Variants in TEAD1 observed in about 807,000 individuals in gnomAD.
TEAD1 encodes transcriptional enhancer factor TEF-1.
TEAD1 carries 9 observed loss-of-function variants against 54.9 expected under a neutral mutation model. The observed-to-expected ratio is 0.16, with a 90% confidence interval of 0.10 to 0.29. The LOEUF is 0.29. TEAD1 is among the 10% of genes least tolerant of loss of function. TEAD1 has a pLI of 1.00. For missense variants in TEAD1, 387 were observed against 535.9 expected (o/e 0.72, Z 2.74); for synonymous variants, 200 against 187.8 (o/e 1.07, Z -0.53).
rs1458249036 is a variant in TEAD1, at chr11:12,882,886, A to G, written c.575-115A>G. The G allele has an allele frequency of 6.0e-6, 9 of 1,501,992 alleles. No individual in the cohort carries two copies. The Admixed American group carries it at 1.6e-4, about 26-fold the overall frequency. The allele number at this position is 1,501,992 out of a possible 1,614,324, so 93.0% of individuals were successfully genotyped here. On this transcript the variant is annotated intron_variant, in intron 8 of 12. Coordinates refer to ENST00000527636, the MANE Select transcript of TEAD1 (RefSeq NM_021961.6). ...GAGTTATCCTGGCCAGAGCCGGTGG[A>G]GAGGGGGCTGTTGGCATTTCCTTCT...
chr11:12,786,238 T>C (rs1945674132), intron 3 of TEAD1, among the ~76,000 whole-genome samples: 2 of 152,228 alleles, frequency 1.3e-5, no homozygotes, highest in Admixed American at 6.5e-5. Flanking sequence ...TGGAGATGAA[T>C]GCTCTGCCTG....
intron 3 of TEAD1, among the ~76,000 whole-genome samples, chr11:12,786,848 C>T (rs1405245328): frequency 6.6e-6 from 1 of 152,158 alleles, no homozygotes; most frequent in Non-Finnish European, 1.5e-5. Context: ...AGGGAGGATT[C>T]AAACCTGAAG....
intron 3 of TEAD1, among the ~76,000 whole-genome samples, chr11:12,787,883 A>G (rs556299207): frequency 4.2e-4 from 64 of 152,224 alleles, no homozygotes; most frequent in African/African-American, 1.5e-3. Context: ...GAGAGCTATA[A>G]TTCTAATGAG....
intron 3 of TEAD1, among the ~76,000 whole-genome samples, chr11:12,839,007 C>T (rs530412153): frequency 1.3e-5 from 2 of 152,258 alleles, no homozygotes; most frequent in South Asian, 4.1e-4. Flanking sequence ...CGTCACCACA[C>T]AAGCAAGTTA....
At chr11:12,818,727 T>A (rs1353768609) in intron 3 of TEAD1, among the ~76,000 whole-genome samples, 1 of 152,200 alleles carries the variant, frequency 6.6e-6, no homozygotes, top group African/African-American at 2.4e-5. Flanking sequence ...ACCACAGTAG[T>A]GTGAAATTGT....
At chr11:12,838,314 G>A (rs777718676) in intron 3 of TEAD1, among the ~76,000 whole-genome samples, 12 of 152,202 alleles carry the variant, frequency 7.9e-5, no homozygotes, top group African/African-American at 1.9e-4. Context: ...TAATGTGGAC[G>A]ATGCTACATG....
At chr11:12,909,605 A>G (rs146571501) in intron 10 of TEAD1, among the ~76,000 whole-genome samples, 37 of 152,204 alleles carry the variant, frequency 2.4e-4, no homozygotes, top group African/African-American at 8.9e-4. Context: ...ATACCTATAT[A>G]ACAAACCAGC....
At chr11:12,680,891 G>A (rs1228404961) in intron 2 of TEAD1, among the ~76,000 whole-genome samples, 1 of 152,126 alleles carries the variant, frequency 6.6e-6, no homozygotes, top group African/African-American at 2.4e-5. Flanking sequence ...GCGGATGTGG[G>A]CCTCAGATAA....
At chr11:12,717,560 C>T (rs2133860723) in intron 2 of TEAD1, among the ~76,000 whole-genome samples, 1 of 152,180 alleles carries the variant, frequency 6.6e-6, no homozygotes, top group African/African-American at 2.4e-5. Context: ...GTAGTGTTTG[C>T]CTTAATACAC....
intron 5 of TEAD1, among the ~76,000 whole-genome samples, chr11:12,868,048 C>T (rs1369860867): frequency 6.6e-6 from 1 of 152,138 alleles, no homozygotes; most frequent in Non-Finnish European, 1.5e-5. Context: ...ATGTGAAGAC[C>T]GAAACCAGAC....
At chr11:12,853,263 T>A (rs1206667799) in intron 3 of TEAD1, among the ~76,000 whole-genome samples, 2 of 152,024 alleles carry the variant, frequency 1.3e-5, no homozygotes, top group Non-Finnish European at 2.9e-5. Flanking sequence ...TGGTAGGTAT[T>A]TTGATGGTGG....
chr11:12,758,405 GTT>G (rs1200374096), intron 2 of TEAD1, among the ~76,000 whole-genome samples: 10 of 85,746 alleles, frequency 1.2e-4, no homozygotes, highest in African/African-American at 5.1e-4. Flanking sequence ...CGCCCAGCTA[GTT>G]TTTTTTTTTT....
intron 3 of TEAD1, among the ~76,000 whole-genome samples, chr11:12,859,383 G>A (rs1367826059): frequency 6.6e-6 from 1 of 150,868 alleles, no homozygotes; most frequent in Non-Finnish European, 1.5e-5. Context: ...GATCTATTTC[G>A]CCTTGGCCGC....
chr11:12,747,544 A>G (rs1392993933), intron 2 of TEAD1, among the ~76,000 whole-genome samples: 1 of 152,004 alleles, frequency 6.6e-6, no homozygotes, highest in African/African-American at 2.4e-5. Context: ...CTATTTTGGC[A>G]AGGCTGGTCT....
chr11:12,768,812 G>C (rs940338026), intron 3 of TEAD1, among the ~76,000 whole-genome samples: 1 of 152,296 alleles, frequency 6.6e-6, no homozygotes, highest in South Asian at 2.1e-4. Context: ...ACTGACCTGA[G>C]GTCAGGACTG....
intron 2 of TEAD1, among the ~76,000 whole-genome samples, chr11:12,758,484 T>C (rs61879857): frequency 4.0e-5 from 6 of 150,278 alleles, no homozygotes; most frequent in Non-Finnish European, 7.4e-5. Flanking sequence ...AATCTCAGCT[T>C]ACTGCAAGCT....
chr11:12,841,828 G>C (rs1036948443), intron 3 of TEAD1, among the ~76,000 whole-genome samples: 3 of 152,162 alleles, frequency 2.0e-5, no homozygotes, highest in African/African-American at 4.8e-5. Context: ...GCTCACAAAG[G>C]CTGATAACTT....
intron 2 of TEAD1, among the ~76,000 whole-genome samples, chr11:12,733,679 C>G (rs1944467715): frequency 1.3e-5 from 2 of 152,186 alleles, no homozygotes; most frequent in Admixed American, 1.3e-4. Context: ...GTTTGTATTT[C>G]TATATAGATG....
At chr11:12,702,260 C>T (rs79200838) in intron 2 of TEAD1, among the ~76,000 whole-genome samples, 2,427 of 152,254 alleles carry the variant, frequency 0.016, 37 homozygotes, top group Non-Finnish European at 0.023. Flanking sequence ...CAGGCCACAG[C>T]GGTGCAGGGT....
Sources: allele counts gnomAD v4.1 joint callset (sites outside exome capture counted in the v4.1 genomes callset), GRCh38; gene constraint gnomAD v4.1.1; transcripts MANE v1.5; gene names NCBI Gene and HGNC (gene_info 2026-07-23, HGNC 2026-07-21).